The following DNAH9 variants were observed in gnomAD, a reference collection of about 807,000 sequenced individuals.
DNAH9 encodes the protein dynein axonemal heavy chain 9, also known as DNAH9 variant protein.
DNAH9 carries 345 observed loss-of-function variants against 471.6 expected under a neutral mutation model. That is an observed-to-expected ratio of 0.73 (90% CI 0.67 to 0.80). The LOEUF (loss-of-function observed/expected upper bound fraction) is 0.80, where lower values mean the gene tolerates loss of function less well. Among genes scored for constraint, DNAH9 ranks in the 30% least tolerant of loss-of-function variants. The pLI is 0.00. For synonymous variants in DNAH9, 2,093 were observed against 2,123.6 expected, an observed-to-expected ratio of 0.99 and a Z score of 0.40; for missense variants, 5,407 against 5,609.2, an observed-to-expected ratio of 0.96 and a Z score of 1.15.
chr17:11,818,459 G>A (rs1970187736), intron 45 of DNAH9, among the ~76,000 whole-genome samples: 1 of 151,774 alleles, frequency 6.6e-6, no homozygotes, highest in Non-Finnish European at 1.5e-5. Flanking sequence ...AAAAGAAAGT[G>A]GGATATAAGA....
At position 11,839,905 on chromosome 17, in the gene DNAH9, G is replaced by A. The variant is rs146162889; in HGVS notation, c.9507+5007G>A. On this transcript the variant is annotated intron_variant, in intron 49 of 68. Transcript: ENST00000262442. ...TGCTTTCTTAGCAAATTTCCCATACGCAATAATATGTGTTGGTCAAAGTGT... is the reference window on the plus strand; with the variant it reads ...TGCTTTCTTAGCAAATTTCCCATACACAATAATATGTGTTGGTCAAAGTGT... 1.4e-3 allele frequency among the ~76,000 whole-genome samples: 210 copies of A among 152,234 alleles called. 4 individuals carry two copies. The East Asian group carries it at 0.033, about 24-fold the overall frequency.
chr17:11,642,408 G>T (rs146095306), intron 10 of DNAH9, among the ~76,000 whole-genome samples: 3 of 152,040 alleles, frequency 2.0e-5, no homozygotes, highest in Admixed American at 6.5e-5. Context: ...GTGTGGTGGG[G>T]GCAGGGGGCG....
chr17:11,821,905 T>C lies in DNAH9; in HGVS notation c.8708-15T>C, dbSNP rs185361466. On this transcript the variant is annotated splice_polypyrimidine_tract_variant and intron_variant, in intron 45 of 68. Transcript: ENST00000262442. The stretch of plus-strand genomic sequence containing the variant: ...AGATGCCAAGGCTGCCTATCTGTGC[T>C]CCATTTTTTCCCAGGGGAGATCCCA... 12 of 1,604,480 alleles carry C rather than the reference T, an allele frequency of 7.5e-6. No individual in the cohort carries two copies. In the East Asian group the frequency reaches 2.5e-4, roughly 33 times the overall value.
intron 49 of DNAH9, among the ~76,000 whole-genome samples, chr17:11,853,519 A>T (rs1347966774): frequency 1.3e-5 from 2 of 152,234 alleles, no homozygotes; most frequent in Admixed American, 6.5e-5. Flanking sequence ...TTCTTGGCAG[A>T]AAATGCTGTT....
chr17:11,627,806 G>C (rs2072996236), intron 6 of DNAH9, among the ~76,000 whole-genome samples: 1 of 152,120 alleles, frequency 6.6e-6, no homozygotes, highest in South Asian at 2.1e-4. Context: ...TTAGATGGCT[G>C]CCCAAATCTG....
At chr17:11,719,550 A>C in intron 27 of DNAH9, 60 bp downstream of exon 27, 1 of 1,521,028 alleles carries the variant, frequency 6.6e-7, no homozygotes. Context: ...AGGGCACCAA[A>C]TCAAGGCTAA....
intron 61 of DNAH9, among the ~76,000 whole-genome samples, chr17:11,908,407 T>C (rs1281807929): frequency 6.6e-6 from 1 of 152,240 alleles, no homozygotes; most frequent in Non-Finnish European, 1.5e-5. Flanking sequence ...ATTAGTATCA[T>C]GAGCAGCACA....
chr17:11,647,085 C>A lies in DNAH9; in HGVS notation c.1984C>A (p.Leu662Ile). ...LSLLEKYETRLYEDWCRTVSE... is the reference protein window; with the variant it reads ...LSLLEKYETRIYEDWCRTVSE... ...TGACCCTTGCAGGTATGAGACAAGA[C>A]TTTATGAGGATTGGTGCCGGACAGT... Residue 662 changes from leucine to isoleucine, a missense_variant, in exon 12 of 69, where the codon CTT (leucine) becomes ATT (isoleucine). Physicochemically the swap from Leu to Ile is conservative, Grantham distance 5 (BLOSUM62 2). Transcript: ENST00000262442. The A allele has an allele frequency of 6.2e-7, 1 of 1,613,924 alleles. No homozygotes were observed. The highest frequency in any genetic ancestry group is 1.7e-5 in the Admixed American group (1 of 59,998).
Position 11,947,772 on chromosome 17 carries a change from ATTTTT to A in DNAH9, c.12843+5310_12843+5314del, listed in dbSNP as rs71367359. Reference sequence around the variant, plus strand: ...CAGAATCTGGGAGGGGCTGGGAACTATTTTTTTTTTTTTTTTTTTTTTTTTTTGAG... The same window carrying A: ...CAGAATCTGGGAGGGGCTGGGAACTATTTTTTTTTTTTTTTTTTTTTTGAG... On this transcript the variant is annotated intron_variant, in intron 67 of 68. Transcript: ENST00000262442. 4.8e-3 allele frequency among the ~76,000 whole-genome samples: 523 copies of A among 108,330 alleles called. 12 individuals are homozygous for A. Among genetic ancestry groups the A allele is most frequent in the African/African-American group, 0.019 (499 of 25,894 alleles). The allele number at this position is 108,330 out of a possible 152,430, so 71.1% of individuals were successfully genotyped here.
At chr17:11,777,420 T>C (rs2150889451) in intron 38 of DNAH9, among the ~76,000 whole-genome samples, 1 of 152,316 alleles carries the variant, frequency 6.6e-6, no homozygotes, top group South Asian at 2.1e-4. Flanking sequence ...TTTTTGAAAA[T>C]ATAAATAATT....
At chr17:11,613,518 T>A (rs1192176462) in intron 4 of DNAH9, among the ~76,000 whole-genome samples, 1 of 152,090 alleles carries the variant, frequency 6.6e-6, no homozygotes, top group African/African-American at 2.4e-5. Context: ...GGCAGAAGAA[T>A]CACTTGAACC....
At chr17:11,919,280 G>A (rs1347749558) in intron 61 of DNAH9, among the ~76,000 whole-genome samples, 1 of 151,958 alleles carries the variant, frequency 6.6e-6, no homozygotes, top group East Asian at 1.9e-4. Context: ...CAGATCACAA[G>A]GTCAGGAGAT....
At chr17:11,694,169 C>T (rs1567723920) in intron 21 of DNAH9, 152 bp from the exon 22 acceptor site, 2 of 1,180,320 alleles carry the variant, frequency 1.7e-6, no homozygotes, top group South Asian at 1.5e-5. Context: ...CCAAGGTAGA[C>T]ACATCCATGT....
chr17:11,727,074 A>AAAAAC (rs1567753041), intron 27 of DNAH9, among the ~76,000 whole-genome samples: 16 of 139,944 alleles, frequency 1.1e-4, no homozygotes, highest in African/African-American at 4.0e-4. Flanking sequence ...AAAAAAAAAA[A>AAAAAC]AAACCCGCTG....
chr17:11,866,686 T>G (rs1184485673), intron 50 of DNAH9, among the ~76,000 whole-genome samples: 1 of 152,198 alleles, frequency 6.6e-6, no homozygotes, highest in Non-Finnish European at 1.5e-5. Flanking sequence ...GTTGGAGCTT[T>G]CCAGCTGCTT....
chr17:11,797,227 C>T (rs955529107), intron 42 of DNAH9, among the ~76,000 whole-genome samples: 2 of 152,060 alleles, frequency 1.3e-5, no homozygotes, highest in Admixed American at 6.5e-5. Flanking sequence ...GAAAGTGAGG[C>T]GATTGGGCCA....
chr17:11,660,501 T>C (rs963056919), intron 14 of DNAH9, among the ~76,000 whole-genome samples: 1 of 152,014 alleles, frequency 6.6e-6, no homozygotes, highest in African/African-American at 2.4e-5. Context: ...TTTTGAATTT[T>C]TAGTAGAGAT....
intron 1 of DNAH9, among the ~76,000 whole-genome samples, chr17:11,607,460 G>A (rs560449627): frequency 7.0e-4 from 106 of 152,240 alleles, no homozygotes; most frequent in African/African-American, 2.3e-3. Context: ...ACTGGGGGAC[G>A]CAATTGGCTA....
intron 61 of DNAH9, among the ~76,000 whole-genome samples, chr17:11,910,240 G>C (rs953732473): frequency 7.9e-5 from 12 of 151,624 alleles, no homozygotes; most frequent in Admixed American, 5.3e-4. Flanking sequence ...GGGTGACAGA[G>C]TGAGACTCCA....
Sources: allele counts gnomAD v4.1 joint callset (sites outside exome capture counted in the v4.1 genomes callset), GRCh38; gene constraint gnomAD v4.1.1; transcripts MANE v1.5; gene names NCBI Gene and HGNC (gene_info 2026-07-23, HGNC 2026-07-21).